CSRNP1: variants seen among roughly 807,000 people sequenced by gnomAD.
CSRNP1 encodes cysteine and serine rich nuclear protein 1.
CSRNP1 carries 8 observed loss-of-function variants against 25.0 expected under a neutral mutation model. That is an observed-to-expected ratio of 0.32 (90% CI 0.19 to 0.58). The LOEUF is 0.58. Among genes scored for constraint, CSRNP1 ranks in the 20% least tolerant of loss-of-function variants. CSRNP1 has a pLI of 0.88. For synonymous variants in CSRNP1, 305 were observed against 303.1 expected, an observed-to-expected ratio of 1.01 and a Z score of -0.06; for missense variants, 691 against 773.1, an observed-to-expected ratio of 0.89 and a Z score of 1.26.
chr3:39,152,891 C>T (rs889835104), intron 1 of CSRNP1: 2 of 152,356 alleles, frequency 1.3e-5, no homozygotes, highest in African/African-American at 4.8e-5. Context: ...CGACACAATC[C>T]CTCCCTCCCG....
intron 3 of CSRNP1, 131 bp from the exon 4 acceptor site, chr3:39,144,582 G>T: frequency 1.2e-6 from 1 of 857,502 alleles, no homozygotes; most frequent in Non-Finnish European, 1.8e-6. Context: ...TGGGCACTGT[G>T]TGTCAGACAG....
chr3:39,150,130 C>G (rs1230475563), intron 1 of CSRNP1: 1 of 152,262 alleles, frequency 6.6e-6, no homozygotes, highest in East Asian at 1.9e-4. Context: ...GAGCCTTGAT[C>G]TTGGACTTCA....
Position 39,145,238 on chromosome 3 carries a change from C to A in CSRNP1, c.224G>T (p.Arg75Leu), listed in dbSNP as rs186954725. The change falls in exon 3 of 5, where the codon CGG becomes CTG. Residue 75 changes from arginine to leucine, a missense_variant. Coordinates refer to ENST00000273153, the MANE Select transcript of CSRNP1 (RefSeq NM_033027.4). Reference sequence around the variant, plus strand: ...ACGGCCTGGGCGCTCCCGGCGAGCCCGCTTCAGGATAGACAGGGCTAGAAA... The same window carrying A: ...ACGGCCTGGGCGCTCCCGGCGAGCCAGCTTCAGGATAGACAGGGCTAGAAA... The part of the protein sequence containing the change: ...RSFTPLSILK[R>L]ARRERPGRVA... The A allele has an allele frequency of 6.2e-7, 1 of 1,601,704 alleles. No homozygotes were observed. The highest frequency in any genetic ancestry group is 1.7e-5 in the Admixed American group (1 of 59,146).
In CSRNP1 at chr3:39,153,541, C is replaced by T; in HGVS notation, c.-144G>A. On this transcript the variant is annotated 5_prime_UTR_variant, in exon 1 of 5. Coordinates refer to ENST00000273153, the MANE Select transcript of CSRNP1 (RefSeq NM_033027.4). ...GCGCTCGGCCCGGCAGCCGTCGGTC[C>T]AGCCGCCCCTCGCTCTGCGCGTCCG... 1 of 174,436 alleles carries T rather than the reference C, an allele frequency of 5.7e-6. No individual in the cohort carries two copies. The highest frequency in any genetic ancestry group is 8.2e-5 in the South Asian group (1 of 12,220). 10.8% of individuals were successfully genotyped at this position (174,436 alleles called of 1,614,324 possible).
chr3:39,153,757 T>G (rs1322245958), upstream of CSRNP1: 1 of 126,362 alleles, frequency 7.9e-6, no homozygotes, highest in Non-Finnish European at 1.6e-5. Flanking sequence ...CCTGGGGGCC[T>G]CCCTGCGGAC....
chr3:39,143,867 G>T lies in CSRNP1; in HGVS notation c.958C>A (p.Pro320Thr). ...RELEAPAQGS[P>T]PSPGEEALVP... ...AGGGCCTCCTCACCAGGGCTGGGTGGGCTGCCCTGGGCAGGGGCCTCCAGC... is the reference window on the plus strand; with the variant it reads ...AGGGCCTCCTCACCAGGGCTGGGTGTGCTGCCCTGGGCAGGGGCCTCCAGC... The change falls in exon 5 of 5, where the codon CCA (proline) becomes ACA (threonine). Residue 320 changes from proline to threonine, a missense_variant. Coordinates refer to ENST00000273153, the MANE Select transcript of CSRNP1 (RefSeq NM_033027.4). 6.2e-7 allele frequency: 1 copy of T among 1,614,216 alleles called. No individual in the cohort carries two copies. The highest frequency in any genetic ancestry group is 8.5e-7 in the Non-Finnish European group (1 of 1,180,018).
In CSRNP1 at chr3:39,144,439, C is replaced by T; in HGVS notation, c.478G>A (p.Gly160Arg). The T allele has an allele frequency of 6.2e-7, 1 of 1,604,284 alleles. No homozygotes were observed. The highest frequency in any genetic ancestry group is 8.5e-7 in the Non-Finnish European group (1 of 1,174,566). The change falls in exon 4 of 5, where the codon GGG becomes AGG. Residue 160 changes from glycine to arginine, a missense_variant. Transcript: ENST00000273153. The part of the protein sequence containing the change: ...EMLQWKLSAA[G>R]VPQAEAGLPP... Reference sequence around the variant, plus strand: ...AGCCCTGCCTCTGCCTGGGGTACCCCAGCTGCCGAAAGCTGCATCCACAGG... The same window carrying T: ...AGCCCTGCCTCTGCCTGGGGTACCCTAGCTGCCGAAAGCTGCATCCACAGG...
At position 39,143,494 on chromosome 3, in the gene CSRNP1, T is replaced by A. The variant is rs1162367899; in HGVS notation, c.1331A>T (p.Tyr444Phe). Reference sequence around the variant, plus strand: ...GCCTGATGTGAAGCTACAGCCAGAATAGCTGTGGGTCCAGCTGGCCAGGCC... The same window carrying A: ...GCCTGATGTGAAGCTACAGCCAGAAAAGCTGTGGGTCCAGCTGGCCAGGCC... ...PGGLASWTHS[Y>F]SGCSFTSGVL... Residue 444 changes from tyrosine to phenylalanine, a missense_variant, in exon 5 of 5, where the codon TAT becomes TTT. By Grantham distance (22) the Tyr-to-Phe change is conservative (BLOSUM62 3). Coordinates refer to ENST00000273153, the MANE Select transcript of CSRNP1 (RefSeq NM_033027.4). 2.5e-6 allele frequency: 4 copies of A among 1,614,024 alleles called. No homozygotes were observed. The highest frequency in any genetic ancestry group is 2.2e-5 in the South Asian group (2 of 91,080).
At position 39,146,604 on chromosome 3, in the gene CSRNP1, C is replaced by T. The variant is rs1291091908; in HGVS notation, c.79G>A (p.Gly27Arg). The change falls in exon 2 of 5, where the codon GGG becomes AGG. Residue 27 changes from glycine (G) to arginine (R), a missense_variant. By Grantham distance (125) the Gly-to-Arg change is moderately radical. Coordinates refer to ENST00000273153, the MANE Select transcript of CSRNP1 (RefSeq NM_033027.4). ...SSVSSSSSSSGCQSRSCSPSS... is the reference protein window; with the variant it reads ...SSVSSSSSSSRCQSRSCSPSS... The stretch of plus-strand genomic sequence containing the variant: ...GGGGAGCAGGAGCGAGACTGGCACC[C>T]AGAGGAAGAGGAGGAGGAGGAGACC... 1 of 1,569,672 alleles carries T rather than the reference C, an allele frequency of 6.4e-7. No individual in the cohort carries two copies. Among genetic ancestry groups the T allele is most frequent in the Non-Finnish European group, 8.6e-7 (1 of 1,156,940 alleles).
Position 39,144,124 on chromosome 3 carries a change from C to A in CSRNP1, c.780+13G>T. ...CCACGCTCAGGATCCCCATCCCAGT[C>A]CAGCCACCACACCTGGCACTTGATG... On this transcript the variant is annotated intron_variant, in intron 4 of 4. Coordinates refer to ENST00000273153, the MANE Select transcript of CSRNP1 (RefSeq NM_033027.4). The A allele has an allele frequency of 6.2e-7, 1 of 1,610,246 alleles. No homozygotes were observed. Among genetic ancestry groups the A allele is most frequent in the South Asian group, 1.1e-5 (1 of 90,858 alleles).
intron 1 of CSRNP1, among the ~76,000 whole-genome samples, chr3:39,147,824 G>A (rs934156180): frequency 7.9e-5 from 12 of 152,258 alleles, no homozygotes; most frequent in African/African-American, 2.6e-4. Context: ...GCTGAGTACA[G>A]CTACCTTGTG....
At chr3:39,147,638 C>T (rs1156517349) in intron 1 of CSRNP1, among the ~76,000 whole-genome samples, 1 of 152,086 alleles carries the variant, frequency 6.6e-6, no homozygotes, top group Non-Finnish European at 1.5e-5. Flanking sequence ...CACCCCACAA[C>T]ACAACACTGT....
intron 1 of CSRNP1, 67 bp from the exon 2 acceptor site, chr3:39,146,789 C>T (rs1305031032): frequency 6.7e-7 from 1 of 1,493,958 alleles, no homozygotes; most frequent in Non-Finnish European, 8.9e-7. Context: ...CAGCCAGGAT[C>T]ATCATCCCTC....
rs1176267578 is a variant in CSRNP1, at chr3:39,144,317, C to T, written c.600G>A (p.Gln200=). 6.2e-7 allele frequency: 1 copy of T among 1,614,050 alleles called. No individual in the cohort carries two copies. Among genetic ancestry groups the T allele is most frequent in the Non-Finnish European group, 8.5e-7 (1 of 1,180,048 alleles). Residue 200 remains glutamine, a synonymous_variant, in exon 4 of 5, where the codon CAG becomes CAA. Coordinates refer to ENST00000273153, the MANE Select transcript of CSRNP1 (RefSeq NM_033027.4). ...GGRLEEVSFL[Q]PYPARRRRAL... Reference sequence around the variant, plus strand: ...CTCGACGTCGCCGGGCTGGGTAGGGCTGTAGGAAGCTCACTTCTTCCAACC... The same window carrying T: ...CTCGACGTCGCCGGGCTGGGTAGGGTTGTAGGAAGCTCACTTCTTCCAACC...
Position 39,143,865 on chromosome 3 carries a change from T to G in CSRNP1, c.960A>C (p.Pro320=). The G allele has an allele frequency of 6.2e-7, 1 of 1,614,150 alleles. No homozygotes were observed. The highest frequency in any genetic ancestry group is 8.5e-7 in the Non-Finnish European group (1 of 1,180,004). ...RELEAPAQGS[P]PSPGEEALVP... ...CCAGGGCCTCCTCACCAGGGCTGGGTGGGCTGCCCTGGGCAGGGGCCTCCA... is the reference window on the plus strand; with the variant it reads ...CCAGGGCCTCCTCACCAGGGCTGGGGGGGCTGCCCTGGGCAGGGGCCTCCA... Residue 320 remains proline (P), a synonymous_variant, in exon 5 of 5, where the codon CCA becomes CCC. Coordinates refer to ENST00000273153, the MANE Select transcript of CSRNP1 (RefSeq NM_033027.4).
At chr3:39,151,458 G>A (rs1033338956) in intron 1 of CSRNP1, 1 of 153,418 alleles carries the variant, frequency 6.5e-6, no homozygotes, top group Non-Finnish European at 1.5e-5. Flanking sequence ...TGAGAAGTGG[G>A]GGCGGGGCTT....
chr3:39,146,819 T>C (rs780458082), intron 1 of CSRNP1, 97 bp from the exon 2 acceptor site: 20 of 1,459,528 alleles, frequency 1.4e-5, no homozygotes, highest in Admixed American at 6.8e-5. Flanking sequence ...CTCCAAGGCA[T>C]CCCAGACCCT....
At position 39,143,374 on chromosome 3, in the gene CSRNP1, G is replaced by A. The variant is rs1232917006; in HGVS notation, c.1451C>T (p.Pro484Leu). ...ACTCCGGCCAGCGTCCATGCTGGGT[G>A]GCACTGAGGTGCCAGGAAGGCTGCC... ...REGSLPGTSV[P>L]PSMDAGRSSS... Residue 484 changes from proline (P) to leucine (L), a missense_variant, in exon 5 of 5, where the codon CCA becomes CTA. Transcript: ENST00000273153. 1 of 1,614,070 alleles carries A rather than the reference G, an allele frequency of 6.2e-7. No individual in the cohort carries two copies. Among genetic ancestry groups the A allele is most frequent in the Non-Finnish European group, 8.5e-7 (1 of 1,180,036 alleles).
At chr3:39,153,688 C>T (rs1690146032), upstream of CSRNP1, 1 of 151,980 alleles carries the variant, frequency 6.6e-6, no homozygotes, top group South Asian at 2.1e-4. Flanking sequence ...AGCCAGGCCG[C>T]CCGGCAGCCC....
Sources: gnomAD v4.1 joint callset for allele counts (sites outside exome capture counted in the v4.1 genomes callset) on GRCh38, gnomAD v4.1.1 for gene constraint, MANE v1.5 for transcripts, NCBI Gene and HGNC (gene_info 2026-07-23, HGNC 2026-07-21) for gene names.